Variants in BNIP3 observed in about 807,000 individuals in gnomAD.
BNIP3 encodes BCL2 interacting protein 3.
In BNIP3, 16 loss-of-function variants were observed where a neutral mutation model predicts 23.9. The observed-to-expected ratio is 0.67, with a 90% CI of 0.45 to 1.01. The LOEUF is 1.01. Among genes scored for constraint, BNIP3 ranks in the 50% least tolerant of loss-of-function variants. The pLI, the probability that BNIP3 is intolerant of heterozygous loss-of-function variation, is 0.00. For synonymous variants in BNIP3, 81 were observed against 89.3 expected (o/e 0.91, Z 0.53); for missense variants, 198 against 248.7 (o/e 0.80, Z 1.37).
At chr10:131,971,783 C>T (rs1413846950) in intron 3 of BNIP3, among the ~76,000 whole-genome samples, 1 of 152,266 alleles carries the variant, frequency 6.6e-6, no homozygotes, top group East Asian at 1.9e-4. Context: ...GATGCACCCA[C>T]ACACCCACAG....
At chr10:131,977,591 A>T (rs2037089670) in intron 1 of BNIP3, among the ~76,000 whole-genome samples, 1 of 152,148 alleles carries the variant, frequency 6.6e-6, no homozygotes. Flanking sequence ...GAGGCTACAG[A>T]GGGACCCACC....
chr10:131,973,559 T>C, intron 2 of BNIP3: 1 of 567,536 alleles, frequency 1.8e-6, no homozygotes, highest in Non-Finnish European at 3.1e-6. Context: ...GCTGTTCCGC[T>C]GCCTACTGAT....
chr10:131,971,201 G>T (rs976891645), intron 3 of BNIP3: 4 of 547,722 alleles, frequency 7.3e-6, no homozygotes, highest in Non-Finnish European at 1.3e-5. Context: ...GATCACCTCT[G>T]GGGGAGCCCC....
At chr10:131,979,054 C>T (rs1351072771) in intron 1 of BNIP3, among the ~76,000 whole-genome samples, 1 of 151,682 alleles carries the variant, frequency 6.6e-6, no homozygotes, top group Non-Finnish European at 1.5e-5. Flanking sequence ...TCCAGGACCT[C>T]TGGCCTCCTC....
In BNIP3 at chr10:131,970,826, G is replaced by C; in HGVS notation, c.389+38C>G. 1 of 1,614,242 alleles carries C rather than the reference G, an allele frequency of 6.2e-7. No individual in the cohort carries two copies. The highest frequency in any genetic ancestry group is 8.5e-7 in the Non-Finnish European group (1 of 1,180,050). The stretch of plus-strand genomic sequence containing the variant: ...AAACGTGTCAGCTGATGTGTCCTCT[G>C]TCAAGGGGTGCCCCCGTGACACTGA... On this transcript the variant is annotated intron_variant, in intron 4 of 5. Coordinates refer to ENST00000368636, the MANE Select transcript of BNIP3 (RefSeq NM_004052.4). This position sits in a 1 kb window ranked among gnomAD's most constrained non-coding sequence, Gnocchi z 4.1.
intron 1 of BNIP3, among the ~76,000 whole-genome samples, 173 bp from the exon 2 acceptor site, chr10:131,974,116 G>C (rs2037062384): frequency 6.6e-6 from 1 of 152,182 alleles, no homozygotes; most frequent in Non-Finnish European, 1.5e-5. Context: ...TCATGGCAGT[G>C]ACTGTCCACG....
chr10:131,972,249 G>A (rs2037041678), intron 3 of BNIP3, among the ~76,000 whole-genome samples: 1 of 152,144 alleles, frequency 6.6e-6, no homozygotes, highest in Non-Finnish European at 1.5e-5. Context: ...CCATTCAATA[G>A]CTGTTAACAG....
chr10:131,974,919 A>G (rs1206320698), intron 1 of BNIP3, among the ~76,000 whole-genome samples: 4 of 152,226 alleles, frequency 2.6e-5, no homozygotes, highest in Non-Finnish European at 4.4e-5. Flanking sequence ...CCTTACTGCT[A>G]AAAGTGCAAT....
chr10:131,981,012 A>G (rs1307498276), intron 1 of BNIP3: 1 of 149,614 alleles, frequency 6.7e-6, no homozygotes, highest in Non-Finnish European at 1.5e-5. Flanking sequence ...CAAGTCCTGC[A>G]CCCCGGGCCT....
intron 1 of BNIP3, 81 bp from the exon 2 acceptor site, chr10:131,974,024 CT>C: frequency 6.4e-7 from 1 of 1,559,834 alleles, no homozygotes; most frequent in Non-Finnish European, 8.7e-7. Flanking sequence ...CCAGCCTGCC[CT>C]TCCATTTCCA....
chr10:131,969,516 AAGAGCT>A (rs969466896), intron 5 of BNIP3: 1 of 152,278 alleles, frequency 6.6e-6, no homozygotes, highest in African/African-American at 2.4e-5. Context: ...GAATGTGCCC[AAGAGCT>A]AGGAGAAAGC....
intron 3 of BNIP3, among the ~76,000 whole-genome samples, chr10:131,972,650 A>G (rs2037045199): frequency 6.6e-6 from 1 of 152,196 alleles, no homozygotes; most frequent in African/African-American, 2.4e-5. Context: ...CTGTCCAACC[A>G]GCAACCACGA....
In BNIP3 at chr10:131,973,803, G is replaced by A. The variant is rs747812946; in HGVS notation, c.187C>T (p.His63Tyr). ...TTGATGCGCGCCTACCTGTCACAGT[G>A]AGAGCTCTTGGAGCTACTCCGTCCA... The part of the protein sequence containing the change: ...ESGRSSSKSS[H>Y]CDSPPRSQTP... The change falls in exon 2 of 6, where the codon CAC (histidine) becomes TAC (tyrosine). Residue 63 changes from histidine to tyrosine, a missense_variant. His to Tyr is a moderately conservative substitution (Grantham distance 83). Transcript: ENST00000368636. The A allele has an allele frequency of 3.1e-6, 5 of 1,612,312 alleles. No homozygotes were observed. The East Asian group carries it at 1.1e-4, about 36-fold the overall frequency.
rs911248850 is a variant in BNIP3, at chr10:131,970,537, T to C, written c.539+101A>G. The C allele has an allele frequency of 6.9e-7, 1 of 1,453,864 alleles. No individual in the cohort carries two copies. The highest frequency in any genetic ancestry group is 9.3e-7 in the Non-Finnish European group (1 of 1,080,620). The allele number at this position is 1,453,864 out of a possible 1,614,324, so 90.1% of individuals were successfully genotyped here. ...TTGTGAAAATGCACCAAGCTGTAAC[T>C]GATGATCTGGACTTCAGGAAACAGG... On this transcript the variant is annotated intron_variant, in intron 5 of 5. Coordinates refer to ENST00000368636, the MANE Select transcript of BNIP3 (RefSeq NM_004052.4). The surrounding 1 kb of genome is among the most constrained non-coding windows in gnomAD (Gnocchi z 4.1).
intron 1 of BNIP3, among the ~76,000 whole-genome samples, chr10:131,980,041 G>C (rs1394828631): frequency 6.6e-6 from 1 of 152,226 alleles, no homozygotes; most frequent in East Asian, 1.9e-4. Flanking sequence ...CACTCAGGGC[G>C]GCCCAAGGAA....
chr10:131,981,511 C>A (rs984506945), intron 1 of BNIP3, among the ~76,000 whole-genome samples: 2 of 152,210 alleles, frequency 1.3e-5, no homozygotes, highest in African/African-American at 4.8e-5. Flanking sequence ...CCGTGCGGTC[C>A]GACCCGGGTC....
Position 131,973,041 on chromosome 10 carries a change from C to T in BNIP3, c.275G>A (p.Ser92Asn). 1 of 1,613,226 alleles carries T rather than the reference C, an allele frequency of 6.2e-7. No individual in the cohort carries two copies. The highest frequency in any genetic ancestry group is 8.5e-7 in the Non-Finnish European group (1 of 1,179,162). Residue 92 changes from serine (S) to asparagine (N), a missense_variant, in exon 3 of 6, where the codon AGC becomes AAC. Physicochemically the swap from Ser to Asn is conservative, Grantham distance 46. Coordinates refer to ENST00000368636, the MANE Select transcript of BNIP3 (RefSeq NM_004052.4). Reference sequence around the variant, plus strand: ...ATTCTCCTTCCAGCTTACCTGTGAGCTGTTTTTCTCTCCAATGCTATGGGT... The same window carrying T: ...ATTCTCCTTCCAGCTTACCTGTGAGTTGTTTTTCTCTCCAATGCTATGGGT... ...TDTHSIGEKN[S>N]SQSEEDDIER...
At chr10:131,971,200 T>G in intron 3 of BNIP3, 1 of 547,152 alleles carries the variant, frequency 1.8e-6, no homozygotes, top group South Asian at 2.0e-5. Context: ...AGATCACCTC[T>G]GGGGGAGCCC....
intron 1 of BNIP3, among the ~76,000 whole-genome samples, chr10:131,978,080 T>C (rs2037093508): frequency 6.6e-6 from 1 of 152,148 alleles, no homozygotes; most frequent in African/African-American, 2.4e-5. Context: ...CACTGTAGTA[T>C]AATTAGGCCC....
Sources: gnomAD v4.1 joint callset for allele counts (sites outside exome capture counted in the v4.1 genomes callset) on GRCh38, gnomAD v4.1.1 for gene constraint, Gnocchi (gnomAD v3.1) non-coding constraint, MANE v1.5 for transcripts, NCBI Gene and HGNC (gene_info 2026-07-23, HGNC 2026-07-21) for gene names.